LMBR1: variants seen among roughly 807,000 people sequenced by gnomAD.
LMBR1 encodes limb development membrane protein 1.
Under a neutral mutation model 73.9 loss-of-function variants are expected in LMBR1, and 52 were observed. The ratio of observed to expected loss-of-function variants is 0.70; its 90% CI spans 0.56 to 0.89. The LOEUF (loss-of-function observed/expected upper bound fraction) is 0.89. Ranked by LOEUF, LMBR1 falls within the 40% of genes least tolerant of loss-of-function variation. LMBR1 has a pLI of 0.00. For synonymous variants in LMBR1, 215 were observed against 209.4 expected (o/e 1.03, Z -0.23); for missense variants, 539 against 579.8 (o/e 0.93, Z 0.72).
chr7:156,736,469 T>TAGC (rs1306549011), intron 9 of LMBR1: 1 of 455,982 alleles, frequency 2.2e-6, no homozygotes, highest in African/African-American at 2.0e-5. Flanking sequence ...AGCATGCACA[T>TAGC]AGCTCAAAGT....
intron 3 of LMBR1, among the ~76,000 whole-genome samples, chr7:156,830,490 G>A (rs147868596): frequency 1.3e-5 from 2 of 152,300 alleles, no homozygotes; most frequent in African/African-American, 2.4e-5. Context: ...TATTCAGTAA[G>A]ATGTATATAG....
intron 1 of LMBR1, among the ~76,000 whole-genome samples, chr7:156,885,965 A>G (rs1801818206): frequency 6.6e-6 from 1 of 150,866 alleles, no homozygotes; most frequent in Non-Finnish European, 1.5e-5. Flanking sequence ...GCTTGAACCC[A>G]GGAGGTAGAG....
At chr7:156,698,296 G>A (rs1808777352) in intron 15 of LMBR1, among the ~76,000 whole-genome samples, 1 of 152,218 alleles carries the variant, frequency 6.6e-6, no homozygotes, top group Non-Finnish European at 1.5e-5. Context: ...CACAGTGCAA[G>A]CTGTCAGTGG....
chr7:156,759,719 C>G (rs867278739), intron 8 of LMBR1, among the ~76,000 whole-genome samples: 12 of 152,080 alleles, frequency 7.9e-5, no homozygotes, highest in African/African-American at 2.9e-4. Context: ...AAATAGCACT[C>G]GAACATAAAT....
chr7:156,719,107 A>G (rs1011972490), intron 15 of LMBR1, among the ~76,000 whole-genome samples: 15 of 149,926 alleles, frequency 1.0e-4, no homozygotes, highest in Non-Finnish European at 2.1e-4. Context: ...AGCATTAGGT[A>G]TATCTCCTAA....
intron 5 of LMBR1, among the ~76,000 whole-genome samples, chr7:156,780,560 T>G (rs1248352932): frequency 6.6e-6 from 1 of 152,232 alleles, no homozygotes; most frequent in Non-Finnish European, 1.5e-5. Context: ...AATAATTCAC[T>G]GGTTCACTAG....
At chr7:156,769,856 C>CACTT (rs1390281054) in intron 5 of LMBR1, among the ~76,000 whole-genome samples, 2 of 152,186 alleles carry the variant, frequency 1.3e-5, no homozygotes, top group Non-Finnish European at 2.9e-5. Context: ...AGGGAGCCAT[C>CACTT]ACTTCATCCC....
chr7:156,771,682 C>T (rs1224288725), intron 5 of LMBR1, among the ~76,000 whole-genome samples: 1 of 152,168 alleles, frequency 6.6e-6, no homozygotes, highest in Non-Finnish European at 1.5e-5. Flanking sequence ...ACCATTCCTA[C>T]TGAAACTATT....
chr7:156,747,382 A>G (rs945465342), intron 9 of LMBR1, among the ~76,000 whole-genome samples: 1 of 152,182 alleles, frequency 6.6e-6, no homozygotes, highest in African/African-American at 2.4e-5. Context: ...TTCCAAGATA[A>G]CAGAATTTCC....
chr7:156,831,303 T>G (rs1393951638), intron 3 of LMBR1, among the ~76,000 whole-genome samples: 1 of 115,274 alleles, frequency 8.7e-6, no homozygotes, highest in Admixed American at 1.0e-4. Context: ...TGGCAAATGC[T>G]ATTTAATCCA....
intron 16 of LMBR1, 110 bp from the exon 17 acceptor site, chr7:156,684,273 C>A: frequency 1.2e-6 from 1 of 834,234 alleles, no homozygotes; most frequent in Non-Finnish European, 2.0e-6. Flanking sequence ...ATTTGGAAAG[C>A]TGTGAGGTGC....
At chr7:156,711,675 G>A (rs1027569359) in intron 15 of LMBR1, among the ~76,000 whole-genome samples, 3 of 152,066 alleles carry the variant, frequency 2.0e-5, no homozygotes, top group African/African-American at 7.2e-5. Flanking sequence ...GGAACAGAAT[G>A]GAGAACCCAA....
chr7:156,857,076 C>A (rs1464544408), intron 1 of LMBR1, among the ~76,000 whole-genome samples: 1 of 149,898 alleles, frequency 6.7e-6, no homozygotes, highest in Admixed American at 6.6e-5. Flanking sequence ...CAGCTAGAAC[C>A]AAAGACAGAA....
chr7:156,778,074 G>A (rs1826475233), intron 5 of LMBR1, among the ~76,000 whole-genome samples: 1 of 152,184 alleles, frequency 6.6e-6, no homozygotes, highest in African/African-American at 2.4e-5. Context: ...AACAAGAACT[G>A]TCTGAAATAC....
chr7:156,813,164 A>C (rs1028632034), intron 4 of LMBR1, among the ~76,000 whole-genome samples: 1 of 152,106 alleles, frequency 6.6e-6, no homozygotes, highest in South Asian at 2.1e-4. Flanking sequence ...TCTGGCTTCA[A>C]GCAATCCTCC....
At chr7:156,820,814 G>A (rs7808269) in intron 4 of LMBR1, among the ~76,000 whole-genome samples, 54,148 of 152,004 alleles carry the variant, frequency 0.36, 9,902 homozygotes, top group East Asian at 0.56. Context: ...CTCTGCGGCA[G>A]CTCCAGGCTC....
At position 156,762,159 on chromosome 7, in the gene LMBR1, A is replaced by G; in HGVS notation, c.659T>C (p.Met220Thr). Residue 220 changes from methionine to threonine, a missense_variant, in exon 8 of 17, where the codon ATG becomes ACG. Met to Thr is a moderately conservative substitution (Grantham distance 81). This residue lies in a region of LMBR1 where 454 missense variants were observed against 473.4 expected (regional missense o/e 0.96). Transcript: ENST00000353442. ...PVGLSRMFTV[M>T]GQLLVKPTIL... ...TGTTGGCTTCACTAGCAACTGACCCATCACTGTGAACATACGAGAAAGGCC... is the reference window on the plus strand; with the variant it reads ...TGTTGGCTTCACTAGCAACTGACCCGTCACTGTGAACATACGAGAAAGGCC... The G allele has an allele frequency of 1.2e-6, 2 of 1,610,752 alleles. No individual in the cohort carries two copies. The highest frequency in any genetic ancestry group is 1.7e-6 in the Non-Finnish European group (2 of 1,177,058).
At chr7:156,788,611 A>G (rs972559621) in intron 5 of LMBR1, among the ~76,000 whole-genome samples, 1 of 143,112 alleles carries the variant, frequency 7.0e-6, no homozygotes, top group Non-Finnish European at 1.5e-5. Flanking sequence ...GGCTCTCAAC[A>G]TATCTTGTTT....
At chr7:156,755,320 G>A (rs1299540959) in intron 9 of LMBR1, among the ~76,000 whole-genome samples, 6 of 152,178 alleles carry the variant, frequency 3.9e-5, no homozygotes, top group Admixed American at 2.6e-4. Context: ...CTGTGGAAGG[G>A]GAAAGTGAGA....
Sources: gnomAD v4.1 joint callset for allele counts (sites outside exome capture counted in the v4.1 genomes callset) on GRCh38, gnomAD v4.1.1 for gene constraint, gnomAD v4.1.1 regional missense constraint, MANE v1.5 for transcripts, NCBI Gene and HGNC (gene_info 2026-07-23, HGNC 2026-07-21) for gene names.